The following NHEJ1 variants were observed in gnomAD, a reference collection of about 807,000 sequenced individuals.
The protein encoded by NHEJ1 is non-homologous end joining factor 1.
A neutral mutation model predicts 39.4 loss-of-function variants in NHEJ1; 22 were observed. The ratio of observed to expected loss-of-function variants is 0.56; its 90% CI spans 0.40 to 0.80. The LOEUF (loss-of-function observed/expected upper bound fraction) is 0.80. Among genes scored for constraint, NHEJ1 ranks in the 30% least tolerant of loss-of-function variants. The pLI is 0.00. For synonymous variants in NHEJ1, 154 were observed against 135.6 expected, an observed-to-expected ratio of 1.14 and a Z score of -0.94; for missense variants, 329 against 357.1, an observed-to-expected ratio of 0.92 and a Z score of 0.63.
rs1949079541 is a variant in NHEJ1 at position 219,082,949 on chromosome 2, C to T, written c.589-4743G>A. On this transcript the variant is annotated intron_variant, in intron 5 of 7. Transcript: ENST00000356853. ...AATAAGAGCATATTAGAAAACTCTT[C>T]TAAGGTCTCAAATGGCCAGAGGGTT... 5.3e-5 allele frequency among the ~76,000 whole-genome samples: 8 copies of T among 152,342 alleles called. No homozygotes were observed. In the South Asian group the frequency reaches 1.5e-3, roughly 28 times the overall value.
Position 219,073,553 on chromosome 2 carries a change from A to G in NHEJ1, c.*2828T>C, listed in dbSNP as rs1342006131. ...GCTAACTATGGGGGACCAGCCGGCA[A>G]GGCCAAGTAGGCCTTGCAATCTAGG... On this transcript the variant is annotated 3_prime_UTR_variant, in exon 8 of 8. Coordinates refer to ENST00000356853, the MANE Select transcript of NHEJ1 (RefSeq NM_024782.3). Among the ~76,000 whole-genome samples the G allele has an allele frequency of 1.3e-5, 2 of 152,364 alleles. No individual in the cohort carries two copies. The highest frequency in any genetic ancestry group is 2.9e-5 in the Non-Finnish European group (2 of 68,042).
Position 219,076,142 on chromosome 2 carries a change from C to A in NHEJ1, c.*239G>T. On this transcript the variant is annotated 3_prime_UTR_variant, in exon 8 of 8. Coordinates refer to ENST00000356853, the MANE Select transcript of NHEJ1 (RefSeq NM_024782.3). ...TAAAGTCCATGGTAGAAACCTGAAC[C>A]TACAGAACCTCCACCAAAAGAGAGG... The A allele has an allele frequency of 2.4e-6, 2 of 824,500 alleles. No individual in the cohort carries two copies. The highest frequency in any genetic ancestry group is 3.7e-6 in the Non-Finnish European group (2 of 541,822). The allele number at this position is 824,500 out of a possible 1,614,324, so 51.1% of individuals were successfully genotyped here. A position where few individuals can be genotyped will look rare whatever the true frequency, so the allele number is the denominator to read the frequency against.
rs535912541 is a variant in NHEJ1, at chr2:219,108,398, G to C, written c.589-30192C>G. Reference sequence around the variant, plus strand: ...TAGGTTTTGGCTATCAAGGACACCAGCCAACAGTTAAGTAAAGAGCCTATG... The same window carrying C: ...TAGGTTTTGGCTATCAAGGACACCACCCAACAGTTAAGTAAAGAGCCTATG... On this transcript the variant is annotated intron_variant, in intron 5 of 7. Transcript: ENST00000356853. Among the ~76,000 whole-genome samples the C allele has an allele frequency of 8.5e-5, 13 of 152,304 alleles. No homozygotes were observed. In the South Asian group the frequency reaches 2.7e-3, roughly 32 times the overall value.
At chr2:219,116,358 AT>A (rs946266194) in intron 5 of NHEJ1, among the ~76,000 whole-genome samples, 8 of 150,176 alleles carry the variant, frequency 5.3e-5, no homozygotes, top group Admixed American at 2.7e-4. Flanking sequence ...AACTCTTAGG[AT>A]TTTTTTTTTC....
At chr2:219,148,212 T>C (rs994910965) in intron 3 of NHEJ1, among the ~76,000 whole-genome samples, 7 of 152,166 alleles carry the variant, frequency 4.6e-5, no homozygotes, top group Admixed American at 1.3e-4. Flanking sequence ...TGAGCCAAGA[T>C]TGCACCACTG....
At chr2:219,127,326 T>A (rs1949535336) in intron 5 of NHEJ1, among the ~76,000 whole-genome samples, 1 of 152,150 alleles carries the variant, frequency 6.6e-6, no homozygotes, top group Non-Finnish European at 1.5e-5. Flanking sequence ...TTTAAGTGCT[T>A]AGCTTACTTT....
chr2:219,073,258 G>T lies in NHEJ1; in HGVS notation c.*3123C>A, dbSNP rs1311574052. 6.6e-6 allele frequency among the ~76,000 whole-genome samples: 1 copy of T among 152,184 alleles called. No homozygotes were observed. Among genetic ancestry groups the T allele is most frequent in the Admixed American group, 6.5e-5 (1 of 15,280 alleles). On this transcript the variant is annotated 3_prime_UTR_variant, in exon 8 of 8. Transcript: ENST00000356853. The stretch of plus-strand genomic sequence containing the variant: ...TTACACCATAGGAATTCGCTTCTCA[G>T]GAATCAGGGAAAGATGGAGACTAGA...
At chr2:219,130,095 G>A (rs1949564297) in intron 5 of NHEJ1, among the ~76,000 whole-genome samples, 1 of 147,244 alleles carries the variant, frequency 6.8e-6, no homozygotes, top group Non-Finnish European at 1.5e-5. Flanking sequence ...GGCACATCCA[G>A]TTTAAAAGGC....
rs1948977245 is a variant in NHEJ1 at position 219,073,075 on chromosome 2, C to T, written c.*3306G>A. ...AAATGTACCGCTGGATAAAAACGAG[C>T]AGCAGTAGGGCTGAGTATCAAGAGA... On this transcript the variant is annotated 3_prime_UTR_variant, in exon 8 of 8. Coordinates refer to ENST00000356853, the MANE Select transcript of NHEJ1 (RefSeq NM_024782.3). Among the ~76,000 whole-genome samples the T allele has an allele frequency of 6.6e-6, 1 of 152,136 alleles. No individual in the cohort carries two copies. Among genetic ancestry groups the T allele is most frequent in the East Asian group, 1.9e-4 (1 of 5,192 alleles).
chr2:219,087,635 C>G (rs929104315), intron 5 of NHEJ1, among the ~76,000 whole-genome samples: 2 of 152,054 alleles, frequency 1.3e-5, no homozygotes, highest in African/African-American at 2.4e-5. Flanking sequence ...CCTGAGAAAT[C>G]GTACTCTATA....
intron 5 of NHEJ1, among the ~76,000 whole-genome samples, chr2:219,116,548 G>C (rs1014863160): frequency 6.6e-6 from 1 of 151,986 alleles, no homozygotes; most frequent in Non-Finnish European, 1.5e-5. Context: ...TGTAGAGATG[G>C]GGTTTCGCCA....
In NHEJ1 at chr2:219,070,384, G is replaced by A. The variant is rs183098269; in HGVS notation, c.*5997C>T. Among the ~76,000 whole-genome samples the A allele has an allele frequency of 8.4e-4, 128 of 152,274 alleles. No individual in the cohort carries two copies. The highest frequency in any genetic ancestry group is 3.0e-3 in the African/African-American group (125 of 41,570). On this transcript the variant is annotated 3_prime_UTR_variant, in exon 8 of 8. Transcript: ENST00000356853. Reference sequence around the variant, plus strand: ...TTTTTGTATTTTTAGTAGAGATGGGGTTTCACCATGTTGGCCAGGCTGGTC... The same window carrying A: ...TTTTTGTATTTTTAGTAGAGATGGGATTTCACCATGTTGGCCAGGCTGGTC...
At chr2:219,084,389 T>C (rs966892694) in intron 5 of NHEJ1, among the ~76,000 whole-genome samples, 4 of 152,188 alleles carry the variant, frequency 2.6e-5, no homozygotes, top group Non-Finnish European at 4.4e-5. Context: ...TTCTCTTCAC[T>C]GGCGTCCCAA....
chr2:219,106,384 A>G (rs1445605366), intron 5 of NHEJ1, among the ~76,000 whole-genome samples: 1 of 152,228 alleles, frequency 6.6e-6, no homozygotes, highest in Non-Finnish European at 1.5e-5. Context: ...CTGAGACTAG[A>G]CATGATAACC....
intron 5 of NHEJ1, among the ~76,000 whole-genome samples, chr2:219,099,140 C>T (rs558441060): frequency 4.6e-5 from 7 of 152,238 alleles, no homozygotes; most frequent in Admixed American, 4.6e-4. Flanking sequence ...ATGTTTAAAA[C>T]TGAGAATATG....
chr2:219,139,379 C>T (rs1949668703), intron 5 of NHEJ1, among the ~76,000 whole-genome samples: 1 of 152,160 alleles, frequency 6.6e-6, no homozygotes, highest in African/African-American at 2.4e-5. Context: ...TGAGCCACCC[C>T]ACCTGGCCTT....
intron 5 of NHEJ1, among the ~76,000 whole-genome samples, chr2:219,136,164 A>G (rs1284162999): frequency 6.6e-6 from 1 of 151,352 alleles, no homozygotes; most frequent in East Asian, 1.9e-4. Context: ...GATATGGGAA[A>G]CTCCTTTGCT....
At chr2:219,159,588 C>CATATATATGCATATATATGCAT (rs1949906412) in intron 1 of NHEJ1, among the ~76,000 whole-genome samples, 1 of 69,538 alleles carries the variant, frequency 1.4e-5, no homozygotes, top group Non-Finnish European at 2.6e-5. Flanking sequence ...TATATATATG[C>CATATATATGCATATATATGCAT]ATATATATAT....
chr2:219,137,570 C>CAAAAAAAAA (rs58279021), intron 5 of NHEJ1, among the ~76,000 whole-genome samples: 231 of 34,576 alleles, frequency 6.7e-3, no homozygotes, highest in East Asian at 0.022. Flanking sequence ...GTGTTACAGG[C>CAAAAAAAAA]AAAAAAAAAA....
Sources: allele counts gnomAD v4.1 joint callset (sites outside exome capture counted in the v4.1 genomes callset), GRCh38; gene constraint gnomAD v4.1.1; transcripts MANE v1.5; gene names NCBI Gene and HGNC (gene_info 2026-07-23, HGNC 2026-07-21).